The following VWC2L variants were observed in gnomAD, a reference collection of about 807,000 sequenced individuals.
VWC2L encodes von Willebrand factor C domain-containing protein 2-like.
A neutral mutation model predicts 21.6 loss-of-function variants in VWC2L; 10 were observed. The ratio of observed to expected loss-of-function variants is 0.46; its 90% CI spans 0.29 to 0.78. The LOEUF (loss-of-function observed/expected upper bound fraction) is 0.78, where lower values mean the gene tolerates loss of function less well. Among genes scored for constraint, VWC2L ranks in the 30% least tolerant of loss-of-function variants. VWC2L has a pLI of 0.10. For missense variants in VWC2L, 209 were observed against 277.1 expected, an observed-to-expected ratio of 0.75 and a Z score of 1.74; for synonymous variants, 96 against 94.3, an observed-to-expected ratio of 1.02 and a Z score of -0.10.
chr2:214,539,691 G>C (rs909187421), intron 3 of VWC2L, among the ~76,000 whole-genome samples: 3 of 152,084 alleles, frequency 2.0e-5, no homozygotes, highest in Non-Finnish European at 4.4e-5. Flanking sequence ...TTTGTAATTA[G>C]ATTGCATAAA....
intron 3 of VWC2L, among the ~76,000 whole-genome samples, chr2:214,464,506 T>C (rs1383717304): frequency 6.6e-6 from 1 of 151,596 alleles, no homozygotes; most frequent in Non-Finnish European, 1.5e-5. Context: ...TCTCTCTCCA[T>C]GCTGAGCTCC....
chr2:214,445,583 T>C (rs181315060), intron 3 of VWC2L, among the ~76,000 whole-genome samples: 1 of 151,550 alleles, frequency 6.6e-6, no homozygotes, highest in East Asian at 1.9e-4. Flanking sequence ...AAAAAGAAAA[T>C]ACATGTATAG....
intron 3 of VWC2L, among the ~76,000 whole-genome samples, chr2:214,541,266 C>G (rs773411302): frequency 1.3e-5 from 2 of 149,558 alleles, no homozygotes; most frequent in Non-Finnish European, 3.0e-5. Flanking sequence ...TGTTTTTCAT[C>G]TTGGTACCAC....
At position 214,478,343 on chromosome 2, in the gene VWC2L, G is replaced by A. The variant is rs138726733; in HGVS notation, c.520+41585G>A. ...AAAATACAAAAACTAGCTGGGCGTG[G>A]TGGCAGGCACATGTAATCCCAGCTA... On this transcript the variant is annotated intron_variant, in intron 3 of 3. Coordinates refer to ENST00000312504, the MANE Select transcript of VWC2L (RefSeq NM_001080500.4). 9.2e-3 allele frequency among the ~76,000 whole-genome samples: 1,401 copies of A among 152,152 alleles called. 24 individuals carry two copies. Among genetic ancestry groups the A allele is most frequent in the African/African-American group, 0.032 (1,334 of 41,514 alleles).
intron 3 of VWC2L, among the ~76,000 whole-genome samples, chr2:214,554,425 G>T (rs1436756443): frequency 3.9e-5 from 6 of 151,998 alleles, no homozygotes. Flanking sequence ...AGCACTTTGG[G>T]GGCCGAGGCG....
At chr2:214,417,620 T>G (rs575971181) in intron 2 of VWC2L, among the ~76,000 whole-genome samples, 15 of 151,928 alleles carry the variant, frequency 9.9e-5, no homozygotes, top group African/African-American at 3.6e-4. Context: ...GGGAGATGGG[T>G]ATAATTGGAA....
chr2:214,554,952 C>G (rs192462630), intron 3 of VWC2L, among the ~76,000 whole-genome samples: 42 of 152,250 alleles, frequency 2.8e-4, no homozygotes, highest in African/African-American at 8.7e-4. Flanking sequence ...CCTTTCCTGG[C>G]CTTTTCCTGA....
chr2:214,433,184 T>TATATATATATATATATA (rs1559289359), intron 2 of VWC2L, among the ~76,000 whole-genome samples: 5 of 112,264 alleles, frequency 4.5e-5, no homozygotes, highest in Non-Finnish European at 7.7e-5. Flanking sequence ...ATATATATAT[T>TATATATATATATATATA]ATATATAAAT....
chr2:214,506,751 T>C (rs1319851757), intron 3 of VWC2L, among the ~76,000 whole-genome samples: 1 of 152,158 alleles, frequency 6.6e-6, no homozygotes. Context: ...AAAATATGTA[T>C]TGATCACTCA....
rs148472099 is a variant in VWC2L at position 214,433,764 on chromosome 2, T to C, written c.391-2865T>C. 2.6e-4 allele frequency among the ~76,000 whole-genome samples: 39 copies of C among 152,148 alleles called. 2 individuals are homozygous for C. The highest frequency in any genetic ancestry group is 6.8e-3 in the Middle Eastern group (2 of 294). Reference sequence around the variant, plus strand: ...CAAATGCAGGGGCAGGCAGGAGCAATGGAGAAAGTCAAGTTGAGCAAGAGG... The same window carrying C: ...CAAATGCAGGGGCAGGCAGGAGCAACGGAGAAAGTCAAGTTGAGCAAGAGG... On this transcript the variant is annotated intron_variant, in intron 2 of 3. Coordinates refer to ENST00000312504, the MANE Select transcript of VWC2L (RefSeq NM_001080500.4).
At chr2:214,500,422 A>T (rs1453449777) in intron 3 of VWC2L, among the ~76,000 whole-genome samples, 1 of 152,174 alleles carries the variant, frequency 6.6e-6, no homozygotes, top group African/African-American at 2.4e-5. Context: ...TTGCATTGCC[A>T]TTCTTTGTGC....
intron 3 of VWC2L, among the ~76,000 whole-genome samples, chr2:214,478,336 G>A (rs1476587328): frequency 6.6e-6 from 1 of 152,004 alleles, no homozygotes; most frequent in Non-Finnish European, 1.5e-5. Context: ...AAAACTAGCT[G>A]GGCGTGGTGG....
chr2:214,461,664 G>A (rs1043335560), intron 3 of VWC2L, among the ~76,000 whole-genome samples: 2 of 152,138 alleles, frequency 1.3e-5, no homozygotes, highest in African/African-American at 4.8e-5. Context: ...CACTGGAGCC[G>A]GCAGTGCCAG....
At chr2:214,499,519 T>G (rs4374372) in intron 3 of VWC2L, among the ~76,000 whole-genome samples, 132,249 of 133,178 alleles carry the variant, frequency 0.99, 65,665 homozygotes, top group South Asian at 1. Flanking sequence ...GGGGGAGGGG[T>G]GGAGGGATAG....
intron 3 of VWC2L, among the ~76,000 whole-genome samples, chr2:214,567,320 G>C (rs538643162): frequency 1.3e-5 from 2 of 151,974 alleles, no homozygotes; most frequent in African/African-American, 2.4e-5. Flanking sequence ...AACAGAGCAG[G>C]GTATCTAGTA....
chr2:214,426,586 A>T (rs1415811991), intron 2 of VWC2L, among the ~76,000 whole-genome samples: 2 of 152,166 alleles, frequency 1.3e-5, no homozygotes, highest in Non-Finnish European at 2.9e-5. Flanking sequence ...AAATATTTTC[A>T]CTCCCATTTC....
chr2:214,427,763 C>T (rs1702546693), intron 2 of VWC2L, among the ~76,000 whole-genome samples: 2 of 152,180 alleles, frequency 1.3e-5, no homozygotes, highest in Admixed American at 6.5e-5. Context: ...TATGCACATT[C>T]TCCCATACAC....
intron 2 of VWC2L, among the ~76,000 whole-genome samples, chr2:214,432,915 G>T (rs986317522): frequency 2.0e-5 from 3 of 151,844 alleles, no homozygotes; most frequent in Non-Finnish European, 4.4e-5. Flanking sequence ...CCAGCTATTT[G>T]GGAGGCTGAG....
intron 3 of VWC2L, among the ~76,000 whole-genome samples, chr2:214,488,009 A>C (rs2126199679): frequency 6.6e-6 from 1 of 152,210 alleles, no homozygotes; most frequent in Admixed American, 6.5e-5. Flanking sequence ...TCTCCTCCAA[A>C]ATAAGTATAT....
Sources: allele counts gnomAD v4.1 joint callset (sites outside exome capture counted in the v4.1 genomes callset), GRCh38; gene constraint gnomAD v4.1.1; transcripts MANE v1.5; gene names NCBI Gene and HGNC (gene_info 2026-07-23, HGNC 2026-07-21).